CGGBP1: variants seen among roughly 807,000 people sequenced by gnomAD.
The protein encoded by CGGBP1 is CGG triplet repeat-binding protein 1.
A neutral mutation model predicts 11.4 loss-of-function variants in CGGBP1; 4 were observed. The observed-to-expected ratio is 0.35, with a 90% CI of 0.17 to 0.80. The LOEUF is 0.80. CGGBP1 is among the 30% of genes least tolerant of loss of function. The pLI, the probability that CGGBP1 is intolerant of heterozygous loss-of-function variation, is 0.52. For synonymous variants in CGGBP1, 76 were observed against 74.1 expected, an observed-to-expected ratio of 1.03 and a Z score of -0.13; for missense variants, 135 against 202.1, an observed-to-expected ratio of 0.67 and a Z score of 2.01.
chr3:88,067,434 G>A (rs1707262009), intron 2 of CGGBP1, among the ~76,000 whole-genome samples: 1 of 152,170 alleles, frequency 6.6e-6, no homozygotes, highest in Non-Finnish European at 1.5e-5. Context: ...GATGGTATTC[G>A]AAGTCATATG....
At chr3:88,108,569 C>T (rs1704888432) in intron 2 of CGGBP1, among the ~76,000 whole-genome samples, 2 of 152,134 alleles carry the variant, frequency 1.3e-5, no homozygotes, top group South Asian at 4.1e-4. Context: ...ATGATGAAAT[C>T]TCACACCATC....
At position 88,058,984 on chromosome 3, in the gene CGGBP1, C is replaced by T. The variant is rs1706672562; in HGVS notation, c.-500G>A. The T allele has an allele frequency of 4.1e-6, 1 of 244,116 alleles. No individual in the cohort carries two copies. The highest frequency in any genetic ancestry group is 7.7e-6 in the Non-Finnish European group (1 of 130,406). 15.1% of individuals were successfully genotyped at this position (244,116 alleles called of 1,614,324 possible). A position where few individuals can be genotyped will look rare whatever the true frequency, so the allele number is the denominator to read the frequency against. Reference sequence around the variant, plus strand: ...GCGGCCGCCGTGTCCCCCGCCGCGCCCCGTCCGCCTGCACCGCCTATGGCA... The same window carrying T: ...GCGGCCGCCGTGTCCCCCGCCGCGCTCCGTCCGCCTGCACCGCCTATGGCA... On this transcript the variant is annotated 5_prime_UTR_variant, in exon 1 of 4. Transcript: ENST00000482016.
intron 1 of CGGBP1, among the ~76,000 whole-genome samples, chr3:88,146,942 T>C (rs1417568872): frequency 1.3e-5 from 2 of 152,212 alleles, no homozygotes; most frequent in Admixed American, 6.5e-5. Flanking sequence ...ACCTGGACTA[T>C]TTTAATAGTC....
chr3:88,096,322 C>A (rs1486524599), intron 2 of CGGBP1, among the ~76,000 whole-genome samples: 1 of 151,926 alleles, frequency 6.6e-6, no homozygotes, highest in Non-Finnish European at 1.5e-5. Flanking sequence ...TTACTAGAGC[C>A]CACAGACAAG....
At chr3:88,140,885 T>C (rs774743217) in intron 2 of CGGBP1, 2 of 1,613,472 alleles carry the variant, frequency 1.2e-6, no homozygotes, top group Admixed American at 3.3e-5. Flanking sequence ...TTCTGACTGA[T>C]AGAGTAGATG....
chr3:88,084,382 G>A (rs1347600457), intron 2 of CGGBP1, among the ~76,000 whole-genome samples: 1 of 152,174 alleles, frequency 6.6e-6, no homozygotes, highest in African/African-American at 2.4e-5. Flanking sequence ...TTGGTAACCA[G>A]AGAAAGGCAA....
intron 2 of CGGBP1, among the ~76,000 whole-genome samples, chr3:88,115,945 C>CA (rs1705362195): frequency 6.6e-6 from 1 of 152,098 alleles, no homozygotes; most frequent in South Asian, 2.1e-4. Flanking sequence ...GCCAGATTGA[C>CA]AGATGGGCCA....
Position 88,094,322 on chromosome 3 carries a change from C to T in CGGBP1, c.-228-36099G>A, listed in dbSNP as rs532962686. Among the ~76,000 whole-genome samples, 55 of 152,140 alleles carry T rather than the reference C, an allele frequency of 3.6e-4. 1 individual carries two copies. The South Asian group carries it at 5.0e-3, about 14-fold the overall frequency. ...TTAGTTGTGACTAGCATCTTTTCCC[C>T]GGTAATTTTGGTCTTTATTGCTCCT... On this transcript the variant is annotated intron_variant, in intron 2 of 3. Transcript: ENST00000462901.
At chr3:88,095,378 A>G (rs1576262537) in intron 2 of CGGBP1, 2 of 330,034 alleles carry the variant, frequency 6.1e-6, no homozygotes, top group Non-Finnish European at 1.2e-5. Context: ...TGTATTATGT[A>G]CTAAGAGAAG....
Position 88,105,431 on chromosome 3 carries a change from C to T in CGGBP1, c.-229+35539G>A, listed in dbSNP as rs930196602. Among the ~76,000 whole-genome samples, 5 of 152,150 alleles carry T rather than the reference C, an allele frequency of 3.3e-5. No individual in the cohort carries two copies. In the East Asian group the frequency reaches 9.6e-4, roughly 29 times the overall value. ...GCATAGTCAGTCAATTTGTCCTCTA[C>T]TGGTATGCATTTGGGTTGTTTCCAT... On this transcript the variant is annotated intron_variant, in intron 2 of 3. Coordinates refer to the CGGBP1 transcript ENST00000462901.
chr3:88,108,970 G>A (rs112830072), intron 2 of CGGBP1, among the ~76,000 whole-genome samples: 6 of 152,104 alleles, frequency 3.9e-5, no homozygotes, highest in Admixed American at 2.6e-4. Flanking sequence ...GCCACATGGT[G>A]CATGTTAAGG....
chr3:88,089,088 TA>T lies in CGGBP1; in HGVS notation c.-228-30866del, dbSNP rs984447513. 7.3e-5 allele frequency among the ~76,000 whole-genome samples: 11 copies of T among 151,476 alleles called. No individual in the cohort carries two copies. In the East Asian group the frequency reaches 1.4e-3, roughly 19 times the overall value. On this transcript the variant is annotated intron_variant, in intron 2 of 3. Coordinates refer to the CGGBP1 transcript ENST00000462901. ...ACGCCTGACCTAAAAAAAACTGTAT[TA>T]AAAAAATTATATTTATTTTGTGATG...
At chr3:88,103,008 C>G (rs576865040) in intron 2 of CGGBP1, among the ~76,000 whole-genome samples, 454 of 152,076 alleles carry the variant, frequency 3.0e-3, no homozygotes, top group Non-Finnish European at 5.1e-3. Flanking sequence ...TCTCCAGTGT[C>G]TGTTGTGCCA....
intron 2 of CGGBP1, among the ~76,000 whole-genome samples, chr3:88,086,870 C>T (rs1246736807): frequency 6.6e-6 from 1 of 152,122 alleles, no homozygotes. Flanking sequence ...GCAAGCTCCC[C>T]CTCCCGGGTT....
chr3:88,148,775 G>T (rs776382806), intron 1 of CGGBP1, among the ~76,000 whole-genome samples: 9 of 152,150 alleles, frequency 5.9e-5, no homozygotes, highest in South Asian at 2.1e-4. Flanking sequence ...GAGTAGCTGG[G>T]ATTACAGGCG....
At chr3:88,141,536 A>G in intron 1 of CGGBP1, 1 of 722,996 alleles carries the variant, frequency 1.4e-6, no homozygotes. Context: ...CTGTCTACTA[A>G]TATCAATATC....
chr3:88,135,323 C>T lies in CGGBP1; in HGVS notation c.-229+5647G>A, dbSNP rs932909173. 8.0e-6 allele frequency: 6 copies of T among 747,198 alleles called. No individual in the cohort carries two copies. The African/African-American group carries it at 9.2e-5, about 11-fold the overall frequency. The allele number at this position is 747,198 out of a possible 1,614,324, so 46.3% of individuals were successfully genotyped here. A position where few individuals can be genotyped will look rare whatever the true frequency, so the allele number is the denominator to read the frequency against. Reference sequence around the variant, plus strand: ...GAAGGAAAGGAGGATTTTAAGGCCACATTCTCCATACATTACATTCTCCTC... The same window carrying T: ...GAAGGAAAGGAGGATTTTAAGGCCATATTCTCCATACATTACATTCTCCTC... On this transcript the variant is annotated intron_variant, in intron 2 of 3. Coordinates refer to the CGGBP1 transcript ENST00000462901.
In CGGBP1 at chr3:88,055,374, A is replaced by G. The variant is rs1159020588; in HGVS notation, c.*99T>C. ...ACATTGCAAAACTATTCTGCGTCAC[A>G]TGATTTTAAATGAAATAAATACAAA... On this transcript the variant is annotated 3_prime_UTR_variant, in exon 4 of 4. Transcript: ENST00000482016. This position sits in a 1 kb window ranked among gnomAD's most constrained non-coding sequence, Gnocchi z 4.2. 2.5e-6 allele frequency: 3 copies of G among 1,209,574 alleles called. No individual in the cohort carries two copies. Among genetic ancestry groups the G allele is most frequent in the Admixed American group, 2.5e-5 (1 of 40,392 alleles). 74.9% of individuals were successfully genotyped at this position (1,209,574 alleles called of 1,614,324 possible). A position where few individuals can be genotyped will look rare whatever the true frequency, so the allele number is the denominator to read the frequency against.
intron 2 of CGGBP1, chr3:88,138,574 A>T (rs1706942696): frequency 2.1e-6 from 1 of 479,348 alleles, no homozygotes; most frequent in Admixed American, 4.4e-5. Context: ...GCTACTAAAT[A>T]TGGAAAATTG....
Sources: allele counts gnomAD v4.1 joint callset (sites outside exome capture counted in the v4.1 genomes callset), GRCh38; gene constraint gnomAD v4.1.1; non-coding constraint Gnocchi (gnomAD v3.1); transcripts MANE v1.5; gene names NCBI Gene and HGNC (gene_info 2026-07-23, HGNC 2026-07-21).